The following EML4 variants were observed in gnomAD, a reference collection of about 807,000 sequenced individuals.
EML4 encodes EMAP like 4, also known as echinoderm microtubule-associated protein-like 4.
In EML4, 72 loss-of-function variants were observed where a neutral mutation model predicts 129.0. The observed-to-expected ratio is 0.56, with a 90% confidence interval of 0.46 to 0.68. The LOEUF is 0.68. Among genes scored for constraint, EML4 ranks in the 30% least tolerant of loss-of-function variants. The pLI, the probability that EML4 is intolerant of heterozygous loss-of-function variation, is 0.00. For missense variants in EML4, 1,363 were observed against 1,190.6 expected (o/e 1.14, Z -2.13); for synonymous variants, 532 against 405.0 (o/e 1.31, Z -3.77).
At chr2:42,306,702 C>A (rs1242545122) in intron 17 of EML4, among the ~76,000 whole-genome samples, 2 of 150,768 alleles carry the variant, frequency 1.3e-5, no homozygotes, top group Non-Finnish European at 3.0e-5. Context: ...CAGAGTTTCA[C>A]CGTGTTAGCC....
In EML4 at chr2:42,192,275, T is replaced by G. The variant is rs540659101; in HGVS notation, c.25+22639T>G. On this transcript the variant is annotated intron_variant, in intron 1 of 22. Transcript: ENST00000318522. ...GGGAGGTGTAGTCTTGCTCCTCTGT[T>G]GCCCGTGCTGGAGTACAGTGGCACA... Among the ~76,000 whole-genome samples, 3 of 150,858 alleles carry G rather than the reference T, an allele frequency of 2.0e-5. No individual in the cohort carries two copies. In the South Asian group the frequency reaches 6.3e-4, roughly 32 times the overall value.
At chr2:42,313,973 T>C (rs1259151363) in intron 17 of EML4, among the ~76,000 whole-genome samples, 1 of 151,928 alleles carries the variant, frequency 6.6e-6, no homozygotes, top group Non-Finnish European at 1.5e-5. Flanking sequence ...ATTCTTTTTA[T>C]TGGCTTACAT....
At chr2:42,246,609 T>C (rs979158432) in intron 2 of EML4, among the ~76,000 whole-genome samples, 3 of 152,214 alleles carry the variant, frequency 2.0e-5, no homozygotes, top group Non-Finnish European at 4.4e-5. Context: ...GTATATGGTA[T>C]GTAGAGATAC....
chr2:42,197,520 A>AT lies in EML4; in HGVS notation c.25+27892dup, dbSNP rs1034780022. Among the ~76,000 whole-genome samples, 18 of 152,112 alleles carry AT rather than the reference A, an allele frequency of 1.2e-4. No homozygotes were observed. In the East Asian group the frequency reaches 1.9e-3, roughly 16 times the overall value. On this transcript the variant is annotated intron_variant, in intron 1 of 22. Transcript: ENST00000318522. ...TTTAAGACACCTGCTTAAATACTAG[A>AT]TTTTTTTTAAATGAAAATATCAGTA... is the stretch of plus-strand genomic sequence containing the variant.
chr2:42,258,114 C>A (rs1038818546), intron 3 of EML4, among the ~76,000 whole-genome samples: 1 of 152,078 alleles, frequency 6.6e-6, no homozygotes, highest in East Asian at 1.9e-4. Context: ...ATTAGTGATT[C>A]AACAATCCAA....
chr2:42,260,492 A>T (rs1022070151), intron 3 of EML4, among the ~76,000 whole-genome samples: 1 of 152,062 alleles, frequency 6.6e-6, no homozygotes, highest in Admixed American at 6.5e-5. Context: ...AAATTGTGTC[A>T]CTCACACTAA....
At chr2:42,217,963 A>C (rs1218468838) in intron 1 of EML4, among the ~76,000 whole-genome samples, 1 of 152,142 alleles carries the variant, frequency 6.6e-6, no homozygotes, top group Non-Finnish European at 1.5e-5. Flanking sequence ...GGTCTCAGTC[A>C]GATATGGGGT....
At chr2:42,203,258 A>G (rs999102412) in intron 1 of EML4, among the ~76,000 whole-genome samples, 5 of 152,220 alleles carry the variant, frequency 3.3e-5, no homozygotes, top group East Asian at 1.9e-4. Context: ...AACATTTTCC[A>G]TGAGTATATG....
intron 13 of EML4, among the ~76,000 whole-genome samples, chr2:42,297,602 T>A (rs541225954): frequency 6.6e-6 from 1 of 152,132 alleles, no homozygotes; most frequent in African/African-American, 2.4e-5. Flanking sequence ...TGGGAAGAAT[T>A]TGGTGAGCGC....
intron 5 of EML4, 123 bp from the exon 6 acceptor site, chr2:42,264,583 A>G: frequency 1.5e-6 from 1 of 657,888 alleles, no homozygotes. Context: ...TCTTACTTTC[A>G]CTTCCAGAGA....
intron 1 of EML4, among the ~76,000 whole-genome samples, chr2:42,244,871 C>G (rs753755199): frequency 3.9e-5 from 6 of 151,958 alleles, no homozygotes; most frequent in Non-Finnish European, 7.4e-5. Context: ...TTCCTGATGT[C>G]TACAAGATGA....
chr2:42,279,045 A>G (rs982094816), intron 6 of EML4, among the ~76,000 whole-genome samples: 2 of 152,208 alleles, frequency 1.3e-5, no homozygotes, highest in Non-Finnish European at 2.9e-5. Context: ...AATATAAGAT[A>G]CCTATGCTGC....
intron 2 of EML4, among the ~76,000 whole-genome samples, chr2:42,246,719 A>G (rs1675424341): frequency 6.6e-6 from 1 of 152,224 alleles, no homozygotes; most frequent in African/African-American, 2.4e-5. Context: ...AGTTGAAGCC[A>G]TAGAGGATGT....
intron 1 of EML4, among the ~76,000 whole-genome samples, chr2:42,224,353 T>A (rs1673813202): frequency 6.6e-6 from 1 of 152,182 alleles, no homozygotes; most frequent in South Asian, 2.1e-4. Flanking sequence ...TTTCAAGATT[T>A]CATCCATGTT....
intron 1 of EML4, among the ~76,000 whole-genome samples, chr2:42,239,666 A>G (rs905866046): frequency 5.3e-5 from 8 of 151,442 alleles, no homozygotes; most frequent in African/African-American, 1.9e-4. Context: ...AACTATTTTG[A>G]GAAGGGGCAA....
At chr2:42,199,421 T>C (rs980099550) in intron 1 of EML4, among the ~76,000 whole-genome samples, 2 of 152,178 alleles carry the variant, frequency 1.3e-5, no homozygotes, top group Non-Finnish European at 2.9e-5. Flanking sequence ...TGATTGATGA[T>C]AATGATGAAT....
chr2:42,175,352 A>G (rs1670540051), intron 1 of EML4, among the ~76,000 whole-genome samples: 3 of 149,070 alleles, frequency 2.0e-5, no homozygotes, highest in Admixed American at 2.0e-4. Context: ...TGACCTTGTT[A>G]TTCGCCTGCC....
chr2:42,192,249 G>A (rs1442167326), intron 1 of EML4, among the ~76,000 whole-genome samples: 1 of 149,100 alleles, frequency 6.7e-6, no homozygotes, highest in Non-Finnish European at 1.5e-5. Flanking sequence ...TTTTTGGGGG[G>A]GGGAGGTGTA....
At chr2:42,215,023 G>C (rs60810258) in intron 1 of EML4, among the ~76,000 whole-genome samples, 1 of 152,048 alleles carries the variant, frequency 6.6e-6, no homozygotes, top group Non-Finnish European at 1.5e-5. Context: ...ATCTGTGGAG[G>C]CTAGCTATAC....
Sources: gnomAD v4.1 joint callset for allele counts (sites outside exome capture counted in the v4.1 genomes callset) on GRCh38, gnomAD v4.1.1 for gene constraint, MANE v1.5 for transcripts, NCBI Gene and HGNC (gene_info 2026-07-23, HGNC 2026-07-21) for gene names.